Variants in NXPE4 observed in about 807,000 individuals in gnomAD.
NXPE4 encodes NXPE family member 4.
In NXPE4, 42 loss-of-function variants were observed where a neutral mutation model predicts 33.3. That is an observed-to-expected ratio of 1.26 (90% CI 0.98 to 1.63). The LOEUF (loss-of-function observed/expected upper bound fraction) is 1.63, where lower values mean the gene tolerates loss of function less well. NXPE4 is among the 40% of genes most tolerant of loss of function. NXPE4 has a pLI of 0.00. For synonymous variants in NXPE4, 253 were observed against 234.9 expected (o/e 1.08, Z -0.71); for missense variants, 709 against 647.6 (o/e 1.09, Z -1.03).
the NXPE4 span, among the ~76,000 whole-genome samples, chr11:114,601,751 T>C: frequency 1.4e-5 from 1 of 73,218 alleles, no homozygotes; most frequent in Non-Finnish European, 2.3e-5. Context: ...TTATAATATA[T>C]AATATATATG....
chr11:114,614,582 C>T, the NXPE4 span, among the ~76,000 whole-genome samples: 2 of 148,700 alleles, frequency 1.3e-5, no homozygotes, highest in East Asian at 2.1e-4. Flanking sequence ...TACTGTTACC[C>T]GGTGGATAGT....
At chr11:114,597,839 T>C (rs1243023530), upstream of NXPE4, among the ~76,000 whole-genome samples, 1 of 151,802 alleles carries the variant, frequency 6.6e-6, no homozygotes, top group African/African-American at 2.4e-5. Flanking sequence ...ATAACAATTG[T>C]TTTGGAATAT....
chr11:114,594,474 G>A (rs1949533235), intron 2 of NXPE4, among the ~76,000 whole-genome samples, 190 bp downstream of exon 2: 1 of 152,174 alleles, frequency 6.6e-6, no homozygotes, highest in South Asian at 2.1e-4. Context: ...GAATGTGTAT[G>A]TGTGAACACA....
At chr11:114,663,672 A>G in the NXPE4 span, among the ~76,000 whole-genome samples, 6 of 129,456 alleles carry the variant, frequency 4.6e-5, no homozygotes, top group South Asian at 1.1e-3. Flanking sequence ...TCTATCATCT[A>G]TCTATTTATC....
At chr11:114,624,769 G>C in the NXPE4 span, among the ~76,000 whole-genome samples, 1 of 151,858 alleles carries the variant, frequency 6.6e-6, no homozygotes, top group Non-Finnish European at 1.5e-5. Flanking sequence ...TGGATAGTAA[G>C]TATTGCCTCG....
Position 114,582,289 on chromosome 11 carries a change from T to A in NXPE4, c.829A>T (p.Arg277Trp). 1 of 1,562,512 alleles carries A rather than the reference T, an allele frequency of 6.4e-7. No individual in the cohort carries two copies. Among genetic ancestry groups the A allele is most frequent in the Non-Finnish European group, 8.6e-7 (1 of 1,156,764 alleles). The change falls in exon 3 of 6, where the codon AGG (arginine) becomes TGG (tryptophan). Residue 277 changes from arginine (R) to tryptophan (W), a missense_variant and splice_region_variant. Arg to Trp is a moderately radical substitution (Grantham distance 101, BLOSUM62 -3). Coordinates refer to ENST00000375478, the MANE Select transcript of NXPE4 (RefSeq NM_001077639.2). ...LSKQEKSLFERSNVGVEIMEK... is the reference protein window; with the variant it reads ...LSKQEKSLFEWSNVGVEIMEK... Reference sequence around the variant, plus strand: ...GTCTCAAGAAGTAATTATTTTTACCTTTCAAAGAGGCTCTTTTCTTGTTTG... The same window carrying A: ...GTCTCAAGAAGTAATTATTTTTACCATTCAAAGAGGCTCTTTTCTTGTTTG...
chr11:114,641,368 C>T, the NXPE4 span, among the ~76,000 whole-genome samples: 4 of 152,122 alleles, frequency 2.6e-5, no homozygotes, highest in African/African-American at 9.6e-5. Flanking sequence ...CAAAAATAGA[C>T]TACATACTGA....
At chr11:114,618,180 G>A in the NXPE4 span, among the ~76,000 whole-genome samples, 12 of 150,270 alleles carry the variant, frequency 8.0e-5, no homozygotes, top group Middle Eastern at 3.4e-3. Context: ...ATTGGTACCC[G>A]GTGGATACTA....
At chr11:114,671,666 A>C in the NXPE4 span, among the ~76,000 whole-genome samples, 1 of 152,172 alleles carries the variant, frequency 6.6e-6, no homozygotes, top group African/African-American at 2.4e-5. Context: ...AAATAGAATA[A>C]GCCTGTCAAC....
the NXPE4 span, among the ~76,000 whole-genome samples, chr11:114,604,229 C>T: frequency 3.3e-4 from 49 of 150,342 alleles, no homozygotes; most frequent in African/African-American, 8.8e-4. Flanking sequence ...CACTGTTACC[C>T]GGTTTATAAT....
the NXPE4 span, among the ~76,000 whole-genome samples, chr11:114,605,425 C>T: frequency 6.6e-6 from 1 of 151,698 alleles, no homozygotes; most frequent in Non-Finnish European, 1.5e-5. Flanking sequence ...AGTATTGCCT[C>T]GTGCGTAACC....
the NXPE4 span, among the ~76,000 whole-genome samples, chr11:114,635,847 T>C: frequency 1.3e-5 from 2 of 152,218 alleles, no homozygotes; most frequent in African/African-American, 2.4e-5. Flanking sequence ...CTTTTTGATG[T>C]GTTGCTGTAT....
chr11:114,639,993 T>C, the NXPE4 span, among the ~76,000 whole-genome samples: 1 of 119,160 alleles, frequency 8.4e-6, no homozygotes. Context: ...TATAATAATG[T>C]TATATAATGT....
chr11:114,586,372 A>G (rs1949298123), intron 2 of NXPE4, among the ~76,000 whole-genome samples: 1 of 152,200 alleles, frequency 6.6e-6, no homozygotes, highest in African/African-American at 2.4e-5. Flanking sequence ...AGGAAGATTC[A>G]TAGAAGGGGG....
chr11:114,601,929 T>TA, the NXPE4 span, among the ~76,000 whole-genome samples: 1 of 64,264 alleles, frequency 1.6e-5, no homozygotes, highest in Admixed American at 2.9e-4. Flanking sequence ...TATAATATAT[T>TA]TATATATATT....
chr11:114,674,528 T>C, the NXPE4 span, among the ~76,000 whole-genome samples: 3 of 151,014 alleles, frequency 2.0e-5, no homozygotes, highest in African/African-American at 7.3e-5. Flanking sequence ...AAGAAAAAAC[T>C]TGTAGTAGAT....
the NXPE4 span, among the ~76,000 whole-genome samples, chr11:114,629,479 G>A: frequency 6.6e-6 from 1 of 151,234 alleles, no homozygotes; most frequent in East Asian, 1.9e-4. Context: ...AACCCTTCAT[G>A]CTAAAAACTC....
At chr11:114,630,990 G>A in the NXPE4 span, among the ~76,000 whole-genome samples, 1 of 150,978 alleles carries the variant, frequency 6.6e-6, no homozygotes, top group South Asian at 2.1e-4. Context: ...TCTCACACCA[G>A]TTAGAATGGC....
At chr11:114,599,523 A>G (rs1445205488), upstream of NXPE4, among the ~76,000 whole-genome samples, 1 of 152,164 alleles carries the variant, frequency 6.6e-6, no homozygotes, top group Non-Finnish European at 1.5e-5. Flanking sequence ...TCACGCTGCT[A>G]TAAAAATATT....
Sources: allele counts gnomAD v4.1 joint callset (sites outside exome capture counted in the v4.1 genomes callset), GRCh38; gene constraint gnomAD v4.1.1; transcripts MANE v1.5; gene names NCBI Gene and HGNC (gene_info 2026-07-23, HGNC 2026-07-21).